Variants in TBL1X observed in about 807,000 individuals in gnomAD.
TBL1X encodes transducin beta like 1 X-linked.
In TBL1X, 10 loss-of-function variants were observed where a neutral mutation model predicts 50.7. That is an observed-to-expected ratio of 0.20 (90% CI 0.12 to 0.33). The LOEUF (loss-of-function observed/expected upper bound fraction) is 0.33. Among genes scored for constraint, TBL1X ranks in the 10% least tolerant of loss-of-function variants. The pLI, the probability that TBL1X is intolerant of heterozygous loss-of-function variation, is 1.00. For missense variants in TBL1X, 340 were observed against 504.4 expected (o/e 0.67, Z 3.12); for synonymous variants, 190 against 214.7 (o/e 0.88, Z 1.01).
At position 9,716,344 on chromosome X, in the gene TBL1X, G is replaced by T; in HGVS notation, c.*98G>T. 1 of 923,207 alleles carries T rather than the reference G, an allele frequency of 1.1e-6. No homozygotes were observed. The highest frequency in any genetic ancestry group is 1.9e-5 in the African/African-American group (1 of 51,456). The allele number at this position is 923,207 out of a possible 1,213,427, so 76.1% of individuals were successfully genotyped here. A position where few individuals can be genotyped will look rare whatever the true frequency, so the allele number is the denominator to read the frequency against. Reference sequence around the variant, plus strand: ...CTCCAAAACTGTAGGAACTTGACTTGCGTTAGAGTGTACTCTGAAACCAAC... The same window carrying T: ...CTCCAAAACTGTAGGAACTTGACTTTCGTTAGAGTGTACTCTGAAACCAAC... On this transcript the variant is annotated 3_prime_UTR_variant, in exon 18 of 18. Coordinates refer to ENST00000645353, the MANE Select transcript of TBL1X (RefSeq NM_005647.4).
intron 2 of TBL1X, among the ~76,000 whole-genome samples, chrX:9,578,115 G>A (rs761329321): frequency 2.7e-5 from 3 of 112,310 alleles, no homozygotes; most frequent in East Asian, 2.8e-4. Flanking sequence ...GGATGACCAC[G>A]CTGCACAGAA....
At chrX:9,677,812 T>C (rs1044738796) in intron 5 of TBL1X, among the ~76,000 whole-genome samples, 2 of 112,108 alleles carry the variant, frequency 1.8e-5, no homozygotes, top group Admixed American at 1.9e-4. Context: ...TTGTTGGCAC[T>C]GTAAGGTAAT....
chrX:9,542,576 G>A (rs1387169284), intron 2 of TBL1X, among the ~76,000 whole-genome samples: 1 of 111,614 alleles, frequency 9.0e-6, no homozygotes, highest in African/African-American at 3.3e-5. Context: ...CCTTGGCCCC[G>A]CCTCGCACTT....
intron 6 of TBL1X, among the ~76,000 whole-genome samples, chrX:9,687,553 G>A (rs2083067272): frequency 9.0e-6 from 1 of 111,147 alleles, no homozygotes; most frequent in Non-Finnish European, 1.9e-5. Context: ...GGGCACTGTT[G>A]GATGTTGAGC....
chrX:9,516,168 T>A lies in TBL1X; in HGVS notation c.-131+14319T>A, dbSNP rs1329532609. ...AGATTCACTGGTTCCAGAAAATGTG[T>A]CCCTGCCTGTTATCTCCGTGTTGCC... On this transcript the variant is annotated intron_variant, in intron 2 of 17. Coordinates refer to ENST00000645353, the MANE Select transcript of TBL1X (RefSeq NM_005647.4). Among the ~76,000 whole-genome samples, 14 of 111,143 alleles carry A rather than the reference T, an allele frequency of 1.3e-4. No individual in the cohort carries two copies. The Admixed American group carries it at 1.3e-3, about 11-fold the overall frequency.
chrX:9,497,815 T>A (rs1229023000), intron 1 of TBL1X, among the ~76,000 whole-genome samples: 1 of 82,568 alleles, frequency 1.2e-5, no homozygotes, highest in Admixed American at 1.6e-4. Context: ...CCTCCCTCCC[T>A]CTCGTTTCTT....
chrX:9,558,156 A>G (rs1022034468), intron 2 of TBL1X, among the ~76,000 whole-genome samples: 7 of 112,707 alleles, frequency 6.2e-5, no homozygotes, highest in African/African-American at 9.7e-5. Flanking sequence ...TTTTCCTGAA[A>G]CATTACATAA....
chrX:9,698,190 A>T (rs997349802), intron 12 of TBL1X, among the ~76,000 whole-genome samples: 1 of 111,313 alleles, frequency 9.0e-6, no homozygotes, highest in African/African-American at 3.3e-5. Context: ...GGTTTGCAAG[A>T]TAGAGATGAC....
At chrX:9,522,427 T>G (rs774750366) in intron 2 of TBL1X, among the ~76,000 whole-genome samples, 1 of 111,506 alleles carries the variant, frequency 9.0e-6, no homozygotes, top group African/African-American at 3.3e-5. Context: ...GGCTTGCAGA[T>G]GATCCCAGTG....
rs1023725399 is a variant in TBL1X, at chrX:9,709,848, G to A, written c.1439+88G>A. ...TAAAGCGCGTCCATGCACGTGTGTT[G>A]AAGCCCTTCAGAGGAAGCAAAGCGG... On this transcript the variant is annotated intron_variant, in intron 15 of 17. Transcript: ENST00000645353. 3 of 1,118,148 alleles carry A rather than the reference G, an allele frequency of 2.7e-6. No individual in the cohort carries two copies. The African/African-American group carries it at 5.4e-5, about 20-fold the overall frequency. 92.1% of individuals were successfully genotyped at this position (1,118,148 alleles called of 1,213,427 possible). A position where few individuals can be genotyped will look rare whatever the true frequency, so the allele number is the denominator to read the frequency against.
chrX:9,528,598 C>G (rs77832257), intron 2 of TBL1X, among the ~76,000 whole-genome samples: 1 of 107,718 alleles, frequency 9.3e-6, no homozygotes, highest in Non-Finnish European at 1.9e-5. Context: ...GCAGGTGACC[C>G]GCAGCTGCAC....
At chrX:9,685,717 CTT>C (rs752837096) in intron 6 of TBL1X, among the ~76,000 whole-genome samples, 14 of 59,620 alleles carry the variant, frequency 2.3e-4, no homozygotes, top group East Asian at 1.9e-3. Context: ...CTTTTCTTTT[CTT>C]TTTTTTTTTT....
intron 12 of TBL1X, among the ~76,000 whole-genome samples, chrX:9,701,050 G>A (rs1025088428): frequency 1.0e-4 from 11 of 110,352 alleles, no homozygotes; most frequent in African/African-American, 2.0e-4. Context: ...TCTTAGTGGC[G>A]ACGGAACACT....
intron 2 of TBL1X, among the ~76,000 whole-genome samples, chrX:9,588,465 T>C (rs192257649): frequency 8.9e-6 from 1 of 112,123 alleles, no homozygotes; most frequent in East Asian, 2.8e-4. Context: ...GAACAAAATA[T>C]TAATTTTAAG....
At chrX:9,678,185 C>A (rs60442614) in intron 5 of TBL1X, among the ~76,000 whole-genome samples, 1,146 of 111,285 alleles carry the variant, frequency 0.01, 12 homozygotes, top group African/African-American at 0.035. Flanking sequence ...TATTTTTGAT[C>A]TGTGGTTGGT....
At chrX:9,463,995 G>C (rs942162519), upstream of TBL1X, among the ~76,000 whole-genome samples, 11 of 112,160 alleles carry the variant, frequency 9.8e-5, no homozygotes, top group East Asian at 1.4e-3. Context: ...GAGCAAGTGA[G>C]GTTATAGTTT....
chrX:9,501,599 C>A (rs760636482), intron 1 of TBL1X, among the ~76,000 whole-genome samples, 181 bp from the exon 2 acceptor site: 1 of 111,639 alleles, frequency 9.0e-6, no homozygotes, highest in East Asian at 2.8e-4. Context: ...CCCCTGGTGA[C>A]AAGGAAGGGA....
At chrX:9,506,724 A>G (rs1218626987) in intron 2 of TBL1X, among the ~76,000 whole-genome samples, 2 of 112,055 alleles carry the variant, frequency 1.8e-5, no homozygotes, top group African/African-American at 6.5e-5. Flanking sequence ...ACACCCTACC[A>G]AGACTAAACC....
intron 1 of TBL1X, among the ~76,000 whole-genome samples, chrX:9,490,582 A>G (rs1374934369): frequency 3.6e-5 from 4 of 111,931 alleles, no homozygotes; most frequent in Non-Finnish European, 7.5e-5. Flanking sequence ...TAGTTTGAGA[A>G]CCATGTCTTG....
Sources: allele counts gnomAD v4.1 joint callset (sites outside exome capture counted in the v4.1 genomes callset), GRCh38; gene constraint gnomAD v4.1.1; transcripts MANE v1.5; gene names NCBI Gene and HGNC (gene_info 2026-07-23, HGNC 2026-07-21).